The following SDCBP2 variants were observed in gnomAD, a reference collection of about 807,000 sequenced individuals.
SDCBP2 encodes syntenin-2.
In SDCBP2, 28 loss-of-function variants were observed where a neutral mutation model predicts 30.7. The observed-to-expected ratio is 0.91, with a 90% CI of 0.68 to 1.25. The LOEUF is 1.25. Among genes scored for constraint, SDCBP2 ranks in the 50% most tolerant of loss-of-function variants. The pLI, the probability that SDCBP2 is intolerant of heterozygous loss-of-function variation, is 0.00. For synonymous variants in SDCBP2, 166 were observed against 157.3 expected (o/e 1.06, Z -0.41); for missense variants, 399 against 379.0 (o/e 1.05, Z -0.44).
Position 1,313,195 on chromosome 20 carries a change from G to T in SDCBP2, c.384+145C>A. ...GCCCCGCCCGGGTCTCGGGGAGGAG[G>T]GACTGGGGGCAAGAGCCTGGCCGCT... On this transcript the variant is annotated intron_variant, in intron 5 of 8. Coordinates refer to ENST00000360779, the MANE Select transcript of SDCBP2 (RefSeq NM_080489.5). The surrounding 1 kb of genome is among the most constrained non-coding windows in gnomAD (Gnocchi z 5.2). The T allele has an allele frequency of 1.2e-6, 1 of 848,596 alleles. No homozygotes were observed. The highest frequency in any genetic ancestry group is 1.8e-6 in the Non-Finnish European group (1 of 542,662). The allele number at this position is 848,596 out of a possible 1,614,324, so 52.6% of individuals were successfully genotyped here. A position where few individuals can be genotyped will look rare whatever the true frequency, so the allele number is the denominator to read the frequency against.
chr20:1,312,816 T>C, intron 5 of SDCBP2, 54 bp from the exon 6 acceptor site: 1 of 1,530,338 alleles, frequency 6.5e-7, no homozygotes, highest in Non-Finnish European at 8.8e-7. Context: ...TAGGCACAGA[T>C]CCCTCTTCCA....
At position 1,315,689 on chromosome 20, in the gene SDCBP2, G is replaced by A. The variant is rs182387909; in HGVS notation, c.226-2191C>T. On this transcript the variant is annotated intron_variant, in intron 4 of 8. Coordinates refer to ENST00000360779, the MANE Select transcript of SDCBP2 (RefSeq NM_080489.5). ...AACTATAACCATTTTAGAAGAATAC[G>A]AAGGAGAAAATCTTTCGGACTTAGG... 5.9e-4 allele frequency among the ~76,000 whole-genome samples: 89 copies of A among 152,100 alleles called. 1 individual carries two copies. The East Asian group carries it at 0.014, about 25-fold the overall frequency.
chr20:1,326,816 A>G (rs776335380), intron 1 of SDCBP2, among the ~76,000 whole-genome samples: 30 of 152,238 alleles, frequency 2.0e-4, no homozygotes, highest in Non-Finnish European at 3.4e-4. Context: ...CCCAGTGCTG[A>G]GCACAGTGCC....
chr20:1,317,927 CTTG>C (rs926554886), intron 4 of SDCBP2: 14 of 347,936 alleles, frequency 4.0e-5, no homozygotes, highest in Middle Eastern at 1.0e-3. Context: ...GGAATTGAGC[CTTG>C]TTGTTTAATT....
rs978314926 is a variant in SDCBP2 at position 1,320,245 on chromosome 20, C to A, written c.54+118G>T. ...TCTGCCCAGCAGGCCCTGCAGTGGA[C>A]ACCTACATGCCCTGAGGCCTACGGG... On this transcript the variant is annotated intron_variant, in intron 2 of 8. Transcript: ENST00000360779. The surrounding 1 kb of genome is among the most constrained non-coding windows in gnomAD (Gnocchi z 4.7). The A allele has an allele frequency of 4.7e-6, 4 of 843,460 alleles. No individual in the cohort carries two copies. The highest frequency in any genetic ancestry group is 1.7e-5 in the South Asian group (1 of 60,142). The allele number at this position is 843,460 out of a possible 1,614,324, so 52.2% of individuals were successfully genotyped here.
rs769054428 is a variant in SDCBP2 at position 1,312,781 on chromosome 20, C to T, written c.385-19G>A. 15 of 1,598,400 alleles carry T rather than the reference C, an allele frequency of 9.4e-6. No homozygotes were observed. Among genetic ancestry groups the T allele is most frequent in the Non-Finnish European group, 1.1e-5 (13 of 1,172,612 alleles). On this transcript the variant is annotated intron_variant, in intron 5 of 8. Transcript: ENST00000360779. Reference sequence around the variant, plus strand: ...AGAGCCCCTGGGGGAGGCAGGGCCCCAGAGTCAGTGTCCCTGGCCCACCCT... The same window carrying T: ...AGAGCCCCTGGGGGAGGCAGGGCCCTAGAGTCAGTGTCCCTGGCCCACCCT...
At position 1,326,675 on chromosome 20, in the gene SDCBP2, T is replaced by C. The variant is rs559374662; in HGVS notation, c.-20+2410A>G. On this transcript the variant is annotated intron_variant, in intron 1 of 8. Coordinates refer to ENST00000360779, the MANE Select transcript of SDCBP2 (RefSeq NM_080489.5). The stretch of plus-strand genomic sequence containing the variant: ...TTCTTGTATTTGCCTCTTCATCATA[T>C]ATTCCACAAGTGTTTGTTAATCACC... 7.9e-5 allele frequency among the ~76,000 whole-genome samples: 12 copies of C among 152,368 alleles called. No individual in the cohort carries two copies. In the South Asian group the frequency reaches 1.4e-3, roughly 18 times the overall value.
At chr20:1,312,187 C>G in intron 7 of SDCBP2, 150 bp downstream of exon 7, 1 of 761,878 alleles carries the variant, frequency 1.3e-6, no homozygotes, top group Non-Finnish European at 2.1e-6. Flanking sequence ...CGTGAGTCAC[C>G]GCACCCAGCC....
At chr20:1,312,237 G>C in intron 7 of SDCBP2, 100 bp downstream of exon 7, 1 of 1,203,890 alleles carries the variant, frequency 8.3e-7, no homozygotes, top group Non-Finnish European at 1.2e-6. Context: ...AGCAACCTTA[G>C]GAAGAGGATG....
intron 3 of SDCBP2, among the ~76,000 whole-genome samples, chr20:1,318,680 T>G (rs1047382786): frequency 7.9e-5 from 12 of 152,178 alleles, no homozygotes; most frequent in Non-Finnish European, 1.5e-4. Context: ...CAGAAACCTC[T>G]GCATCCCTCA....
chr20:1,318,586 C>T (rs557711394), intron 3 of SDCBP2, among the ~76,000 whole-genome samples, 168 bp from the exon 4 acceptor site: 1 of 152,284 alleles, frequency 6.6e-6, no homozygotes, highest in East Asian at 1.9e-4. Flanking sequence ...GATGAGCGCT[C>T]CTCAGAGGGC....
rs993045966 is a variant in SDCBP2 at position 1,312,363 on chromosome 20, C to T, written c.706G>A (p.Asp236Asn). ...TTCAGCCCGATAACATTCTGCCCGTCCACCTCACACACGTAGTGGTTGGTG... is the reference window on the plus strand; with the variant it reads ...TTCAGCCCGATAACATTCTGCCCGTTCACCTCACACACGTAGTGGTTGGTG... The part of the protein sequence containing the change: ...LLTNHYVCEV[D>N]GQNVIGLKDK... Residue 236 changes from aspartate to asparagine, a missense_variant, in exon 7 of 9, where the codon GAC becomes AAC. Physicochemically the swap from Asp to Asn is conservative, Grantham distance 23. Coordinates refer to ENST00000360779, the MANE Select transcript of SDCBP2 (RefSeq NM_080489.5). 6.2e-7 allele frequency: 1 copy of T among 1,613,464 alleles called. No individual in the cohort carries two copies. The highest frequency in any genetic ancestry group is 8.5e-7 in the Non-Finnish European group (1 of 1,179,758).
rs898337453 is a variant in SDCBP2, at chr20:1,313,620, C to G, written c.226-122G>C. On this transcript the variant is annotated intron_variant, in intron 4 of 8. Coordinates refer to ENST00000360779, the MANE Select transcript of SDCBP2 (RefSeq NM_080489.5). The surrounding 1 kb of genome is among the most constrained non-coding windows in gnomAD (Gnocchi z 5.2). ...GAGCCGTCCCCGGGTCCCCCCACGTCCCCAGTCCACGCTTCTCCCCTAGGG... is the reference window on the plus strand; with the variant it reads ...GAGCCGTCCCCGGGTCCCCCCACGTGCCCAGTCCACGCTTCTCCCCTAGGG... 13 of 1,424,460 alleles carry G rather than the reference C, an allele frequency of 9.1e-6. No homozygotes were observed. The highest frequency in any genetic ancestry group is 1.2e-5 in the Non-Finnish European group (13 of 1,091,958). The allele number at this position is 1,424,460 out of a possible 1,614,324, so 88.2% of individuals were successfully genotyped here.
chr20:1,319,054 C>A lies in SDCBP2; in HGVS notation c.124+536G>T, dbSNP rs551128649. On this transcript the variant is annotated intron_variant, in intron 3 of 8. Coordinates refer to ENST00000360779, the MANE Select transcript of SDCBP2 (RefSeq NM_080489.5). ...CTGAATAAGGCAAGTGGGGTTCTGG[C>A]CCCTTCTCTCTTTGAGCCGCTATCT... Among the ~76,000 whole-genome samples the A allele has an allele frequency of 7.2e-5, 11 of 152,272 alleles. No homozygotes were observed. In the South Asian group the frequency reaches 2.3e-3, roughly 32 times the overall value.
At chr20:1,311,111 G>A (rs2088660757) in intron 7 of SDCBP2, 1 of 484,186 alleles carries the variant, frequency 2.1e-6, no homozygotes, top group Non-Finnish European at 3.7e-6. Context: ...TCCCACCTGA[G>A]GATCTCCTTG....
intron 4 of SDCBP2, among the ~76,000 whole-genome samples, chr20:1,316,056 C>T (rs1013085317): frequency 6.6e-5 from 10 of 152,232 alleles, no homozygotes; most frequent in African/African-American, 1.7e-4. Context: ...GACCCGTGAT[C>T]GCACCACTGC....
intron 1 of SDCBP2, among the ~76,000 whole-genome samples, chr20:1,326,702 A>G (rs777341577): frequency 7.2e-5 from 11 of 152,240 alleles, no homozygotes; most frequent in Non-Finnish European, 1.3e-4. Context: ...TTAATCACCT[A>G]CTATGAGCAA....
intron 4 of SDCBP2, among the ~76,000 whole-genome samples, chr20:1,314,431 G>A (rs1176994975): frequency 7.8e-6 from 1 of 127,832 alleles, no homozygotes; most frequent in Admixed American, 9.4e-5. Context: ...AGGTTGCAGT[G>A]AGCCAAGACT....
intron 1 of SDCBP2, chr20:1,325,340 A>C (rs1203199056): frequency 6.6e-6 from 1 of 152,236 alleles, no homozygotes; most frequent in Admixed American, 6.5e-5. Context: ...CAAGCGACTC[A>C]GCAACTTCTA....
Sources: allele counts gnomAD v4.1 joint callset (sites outside exome capture counted in the v4.1 genomes callset), GRCh38; gene constraint gnomAD v4.1.1; non-coding constraint Gnocchi (gnomAD v3.1); transcripts MANE v1.5; gene names NCBI Gene and HGNC (gene_info 2026-07-23, HGNC 2026-07-21).